The following OVOL2 variants were observed in gnomAD, a reference collection of about 807,000 sequenced individuals.
OVOL2 encodes ovo like zinc finger 2, also known as transcription factor Ovo-like 2.
OVOL2 carries 13 observed loss-of-function variants against 18.1 expected under a neutral mutation model. The observed-to-expected ratio is 0.72, with a 90% CI of 0.47 to 1.14. The LOEUF (loss-of-function observed/expected upper bound fraction) is 1.14. Ranked by LOEUF, OVOL2 falls within the 50% of genes most tolerant of loss-of-function variation. The probability of loss-of-function intolerance (pLI) is 0.00; values close to 1 mark genes in which losing one functional copy is unlikely to be tolerated. For missense variants in OVOL2, 335 were observed against 383.0 expected (o/e 0.87, Z 1.05); for synonymous variants, 166 against 162.7 (o/e 1.02, Z -0.16).
chr20:18,030,902 C>A (rs2036563235), intron 3 of OVOL2, among the ~76,000 whole-genome samples: 1 of 152,154 alleles, frequency 6.6e-6, no homozygotes, highest in South Asian at 2.1e-4. Context: ...CCTTGGTGAC[C>A]CTTTCTAGGC....
upstream of OVOL2, chr20:18,057,929 G>A: frequency 8.0e-7 from 1 of 1,242,704 alleles, no homozygotes; most frequent in Non-Finnish European, 1.0e-6. The surrounding 1 kb of genome is among the most constrained non-coding windows in gnomAD (Gnocchi z 6.3). Flanking sequence ...GACTGAGCAT[G>A]CGCCCTGCAA....
intron 3 of OVOL2, among the ~76,000 whole-genome samples, chr20:18,038,817 G>A (rs6080947): frequency 0.049 from 7,526 of 152,098 alleles, 229 homozygotes; most frequent in Non-Finnish European, 0.054. Flanking sequence ...GAGTGGTCCT[G>A]ATTTCCTGCC....
chr20:18,033,497 C>T (rs1042878112), intron 3 of OVOL2, among the ~76,000 whole-genome samples: 7 of 152,250 alleles, frequency 4.6e-5, no homozygotes, highest in African/African-American at 1.4e-4. Flanking sequence ...GCCCTTCTCA[C>T]CTGTTTATGG....
rs2036802139 is a variant in OVOL2 at position 18,054,769 on chromosome 20, A to AG, written c.321+1887_321+1888insC. Among the ~76,000 whole-genome samples, 3 of 139,796 alleles carry AG rather than the reference A, an allele frequency of 2.1e-5. No homozygotes were observed. The South Asian group carries it at 6.9e-4, about 32-fold the overall frequency. 91.7% of individuals were successfully genotyped at this position (139,796 alleles called of 152,430 possible). A position where few individuals can be genotyped will look rare whatever the true frequency, so the allele number is the denominator to read the frequency against. ...CAACAACAGCGAAACTCCATCTCAA[A>AG]AAAAAAAAAAAAAGAAAGAAAAGAA... is the stretch of plus-strand genomic sequence containing the variant. On this transcript the variant is annotated intron_variant, in intron 2 of 3. Transcript: ENST00000278780.
chr20:18,037,471 G>A (rs988270906), intron 3 of OVOL2, among the ~76,000 whole-genome samples: 4 of 152,248 alleles, frequency 2.6e-5, no homozygotes, highest in African/African-American at 9.6e-5. Context: ...CTGCAGGGCT[G>A]TGTTACTCTC....
Position 18,055,766 on chromosome 20 carries a change from G to T in OVOL2, c.321+891C>A, listed in dbSNP as rs575325153. ...CCTGGAATTACCACCTGCACCGGGG[G>T]TCTAGGGGGTGCACAGTGTAGCACT... On this transcript the variant is annotated intron_variant, in intron 2 of 3. Coordinates refer to ENST00000278780, the MANE Select transcript of OVOL2 (RefSeq NM_021220.4). 1.1e-4 allele frequency among the ~76,000 whole-genome samples: 16 copies of T among 152,360 alleles called. 1 individual carries two copies. The highest frequency in any genetic ancestry group is 3.8e-4 in the African/African-American group (16 of 41,582).
intron 2 of OVOL2, among the ~76,000 whole-genome samples, chr20:18,049,551 T>TCCCC (rs11472784): frequency 6.0e-5 from 9 of 149,656 alleles, no homozygotes; most frequent in Middle Eastern, 3.4e-3. Flanking sequence ...GCATTCAGAT[T>TCCCC]CCCCCCCCGA....
At chr20:18,035,433 G>A (rs185815406) in intron 3 of OVOL2, among the ~76,000 whole-genome samples, 21 of 152,338 alleles carry the variant, frequency 1.4e-4, no homozygotes, top group Admixed American at 4.6e-4. Context: ...ACTCCAGCCT[G>A]GGCAACAGAG....
intron 2 of OVOL2, among the ~76,000 whole-genome samples, chr20:18,052,675 G>T (rs1376657273): frequency 6.6e-6 from 1 of 152,188 alleles, no homozygotes; most frequent in Non-Finnish European, 1.5e-5. Context: ...CGGGTAAAAG[G>T]CCAAGCATAC....
intron 2 of OVOL2, among the ~76,000 whole-genome samples, chr20:18,043,553 G>A (rs1349471426): frequency 6.6e-6 from 1 of 152,160 alleles, no homozygotes; most frequent in Admixed American, 6.5e-5. Flanking sequence ...ACTCAGGGCT[G>A]CCACCAGCTG....
intron 3 of OVOL2, among the ~76,000 whole-genome samples, chr20:18,031,405 C>T (rs567215794): frequency 2.1e-4 from 32 of 152,130 alleles, no homozygotes; most frequent in African/African-American, 7.7e-4. Flanking sequence ...AACCCCACCT[C>T]TACTAAAAAA....
In OVOL2 at chr20:18,052,657, T is replaced by A. The variant is rs140886628; in HGVS notation, c.321+4000A>T. On this transcript the variant is annotated intron_variant, in intron 2 of 3. Transcript: ENST00000278780. ...ACATCTGCACCACTACAAGACTCGA[T>A]AGAGAGCCGGGTAAAAGGCCAAGCA... Among the ~76,000 whole-genome samples, 62 of 152,306 alleles carry A rather than the reference T, an allele frequency of 4.1e-4. 1 individual carries two copies. The highest frequency in any genetic ancestry group is 3.4e-3 in the Middle Eastern group (1 of 294).
At chr20:18,044,423 G>A (rs573324410) in intron 2 of OVOL2, among the ~76,000 whole-genome samples, 5 of 152,174 alleles carry the variant, frequency 3.3e-5, no homozygotes, top group African/African-American at 7.2e-5. Context: ...TGCACAATCA[G>A]TATGTGCTGA....
chr20:18,030,653 G>T (rs950864805), intron 3 of OVOL2, among the ~76,000 whole-genome samples: 3 of 150,386 alleles, frequency 2.0e-5, no homozygotes, highest in African/African-American at 7.3e-5. Context: ...CAAGAGAGAT[G>T]ATGGCAGTGG....
Position 18,056,795 on chromosome 20 carries a change from G to A in OVOL2, c.183C>T (p.Ser61=). ...GGSSSGSGSS[S]AGEPGGAESS... The stretch of plus-strand genomic sequence containing the variant: ...TCTCTGCTCCTCCAGGCTCCCCCGC[G>A]CTGCTGCTGCCGCTGCCGCTGCTGC... Residue 61 remains serine (S), a synonymous_variant, in exon 2 of 4, where the codon AGC becomes AGT. Transcript: ENST00000278780. This position sits in a 1 kb window ranked among gnomAD's most constrained non-coding sequence, Gnocchi z 4.2. 6.7e-7 allele frequency: 1 copy of A among 1,496,060 alleles called. No individual in the cohort carries two copies. Among genetic ancestry groups the A allele is most frequent in the Non-Finnish European group, 8.8e-7 (1 of 1,130,190 alleles). 92.7% of individuals were successfully genotyped at this position (1,496,060 alleles called of 1,614,324 possible). A position where few individuals can be genotyped will look rare whatever the true frequency, so the allele number is the denominator to read the frequency against.
chr20:18,031,370 C>T (rs2036568997), intron 3 of OVOL2, among the ~76,000 whole-genome samples: 2 of 152,188 alleles, frequency 1.3e-5, no homozygotes, highest in African/African-American at 4.8e-5. Context: ...AAGCTGGCTG[C>T]TGACCAGCCT....
chr20:18,033,717 C>A (rs1338031312), intron 3 of OVOL2, among the ~76,000 whole-genome samples: 1 of 152,138 alleles, frequency 6.6e-6, no homozygotes, highest in Non-Finnish European at 1.5e-5. Context: ...CCACTGACCA[C>A]CCTTTGAGTA....
At chr20:18,037,891 A>G (rs1402095534) in intron 3 of OVOL2, among the ~76,000 whole-genome samples, 1 of 148,578 alleles carries the variant, frequency 6.7e-6, no homozygotes. Context: ...CACCTCCCAA[A>G]TACATTGCTC....
intron 2 of OVOL2, among the ~76,000 whole-genome samples, chr20:18,041,942 CT>C (rs10707538): frequency 0.59 from 83,941 of 142,556 alleles, 25,325 homozygotes; most frequent in African/African-American, 0.77. Context: ...TGGAGTCTTA[CT>C]TTTTTTGCCC....
Sources: allele counts gnomAD v4.1 joint callset (sites outside exome capture counted in the v4.1 genomes callset), GRCh38; gene constraint gnomAD v4.1.1; non-coding constraint Gnocchi (gnomAD v3.1); transcripts MANE v1.5; gene names NCBI Gene and HGNC (gene_info 2026-07-23, HGNC 2026-07-21).